The following SUPT3H variants were observed in gnomAD, a reference collection of about 807,000 sequenced individuals.
SUPT3H encodes the protein SPT3 homolog, SAGA and STAGA complex component.
SUPT3H carries 44 observed loss-of-function variants against 44.3 expected under a neutral mutation model. The ratio of observed to expected loss-of-function variants is 0.99; its 90% CI spans 0.78 to 1.28. The LOEUF (loss-of-function observed/expected upper bound fraction) is 1.28. SUPT3H is among the 50% of genes most tolerant of loss of function. SUPT3H has a pLI of 0.00. For missense variants in SUPT3H, 380 were observed against 387.1 expected (o/e 0.98, Z 0.15); for synonymous variants, 124 against 125.6 (o/e 0.99, Z 0.09).
At chr6:45,028,657 A>G (rs1786406035) in intron 3 of SUPT3H, among the ~76,000 whole-genome samples, 1 of 151,980 alleles carries the variant, frequency 6.6e-6, no homozygotes, top group Non-Finnish European at 1.5e-5. Flanking sequence ...CATGTCTTCT[A>G]TATATTATCT....
intron 2 of SUPT3H, among the ~76,000 whole-genome samples, chr6:45,163,137 G>A (rs1348753431): frequency 2.6e-5 from 4 of 152,128 alleles, no homozygotes; most frequent in African/African-American, 9.7e-5. Context: ...ACTAGTTTCT[G>A]TATTTCCAGA....
At position 45,267,207 on chromosome 6, in the gene SUPT3H, C is replaced by G. The variant is rs898396763; in HGVS notation, c.101+97994G>C. 3.3e-5 allele frequency among the ~76,000 whole-genome samples: 5 copies of G among 152,064 alleles called. No homozygotes were observed. The South Asian group carries it at 1.0e-3, about 32-fold the overall frequency. On this transcript the variant is annotated intron_variant, in intron 2 of 10. Transcript: ENST00000371459. ...AACCTGTATTATTGAAAAGGCTGAC[C>G]ATGCCACACATATCTCCGATTTTAA...
intron 2 of SUPT3H, among the ~76,000 whole-genome samples, chr6:45,255,003 C>T (rs772915230): frequency 7.1e-4 from 108 of 152,288 alleles, no homozygotes; most frequent in African/African-American, 9.4e-4. Context: ...TGCTGTACTG[C>T]ACCACTTGTG....
chr6:45,254,055 A>G (rs6901161), intron 2 of SUPT3H, among the ~76,000 whole-genome samples: 131,218 of 151,254 alleles, frequency 0.87, 57,144 homozygotes, highest in African/African-American at 0.9. Context: ...AATGTACCTC[A>G]TATGTTTATA....
chr6:45,139,748 T>C (rs748762193), intron 2 of SUPT3H, among the ~76,000 whole-genome samples: 1 of 152,078 alleles, frequency 6.6e-6, no homozygotes, highest in African/African-American at 2.4e-5. Flanking sequence ...TCCCAGTCTA[T>C]AACATGAGCA....
chr6:45,035,765 C>T (rs1040508896), intron 3 of SUPT3H, among the ~76,000 whole-genome samples: 2 of 151,864 alleles, frequency 1.3e-5, no homozygotes, highest in Admixed American at 6.6e-5. Flanking sequence ...ACTCACTTTC[C>T]GTTTTAATTT....
chr6:45,235,102 T>C (rs1199850028), intron 2 of SUPT3H, among the ~76,000 whole-genome samples: 2 of 152,096 alleles, frequency 1.3e-5, no homozygotes, highest in Non-Finnish European at 2.9e-5. Flanking sequence ...AGAAAGCCAA[T>C]GATACAAGTG....
At chr6:45,028,381 C>T (rs1156832107) in intron 3 of SUPT3H, among the ~76,000 whole-genome samples, 1 of 152,052 alleles carries the variant, frequency 6.6e-6, no homozygotes, top group Non-Finnish European at 1.5e-5. Flanking sequence ...CAATCCCAAA[C>T]TTTTCCATGT....
chr6:45,119,618 C>T lies in SUPT3H; in HGVS notation c.102-13612G>A, dbSNP rs1345048856. On this transcript the variant is annotated intron_variant, in intron 2 of 10. Transcript: ENST00000371459. ...GCCACAAATTCATGTGATTTGTGGG[C>T]ATAATGTTAACAGGAAAGAGTCAAT... Among the ~76,000 whole-genome samples the T allele has an allele frequency of 2.0e-5, 3 of 152,034 alleles. No homozygotes were observed. The East Asian group carries it at 5.8e-4, about 29-fold the overall frequency.
Position 45,106,281 on chromosome 6 carries a change from A to G in SUPT3H, c.102-275T>C, listed in dbSNP as rs564880846. Among the ~76,000 whole-genome samples the G allele has an allele frequency of 3.1e-4, 47 of 152,142 alleles. 1 individual carries two copies. The South Asian group carries it at 9.3e-3, about 30-fold the overall frequency. On this transcript the variant is annotated intron_variant, in intron 2 of 10. Transcript: ENST00000371459. ...ACTCCGCCTCTACAATAAATACAAA[A>G]ATTAGCCGGAAGCAGTGGCATGTGC...
intron 2 of SUPT3H, among the ~76,000 whole-genome samples, chr6:45,181,057 A>G (rs907289641): frequency 5.3e-5 from 8 of 151,918 alleles, no homozygotes; most frequent in African/African-American, 1.9e-4. Flanking sequence ...TGGGTGAAGG[A>G]TATGAACAGA....
At chr6:45,042,852 C>T (rs550916673) in intron 3 of SUPT3H, among the ~76,000 whole-genome samples, 210 of 151,986 alleles carry the variant, frequency 1.4e-3, no homozygotes, top group Non-Finnish European at 2.3e-3. Context: ...AGCCAAATGT[C>T]CAACAATGAT....
At chr6:44,845,859 T>C (rs981667481) in intron 10 of SUPT3H, among the ~76,000 whole-genome samples, 3 of 152,208 alleles carry the variant, frequency 2.0e-5, no homozygotes, top group Non-Finnish European at 4.4e-5. Flanking sequence ...TCCAAGCCCA[T>C]GTGTGATCTG....
At chr6:44,902,658 C>T (rs990951716) in intron 10 of SUPT3H, among the ~76,000 whole-genome samples, 3 of 152,128 alleles carry the variant, frequency 2.0e-5, no homozygotes, top group African/African-American at 7.2e-5. Context: ...AGGAATTGAA[C>T]TCAGCTCTGC....
chr6:45,050,278 A>AGTGT (rs57510967), intron 3 of SUPT3H, among the ~76,000 whole-genome samples: 5,713 of 147,350 alleles, frequency 0.039, 225 homozygotes, highest in African/African-American at 0.1. Context: ...CTTTTTCTGC[A>AGTGT]GTGTGTGTGT....
Position 45,003,708 on chromosome 6 carries a change from A to G in SUPT3H, c.449T>C (p.Leu150Pro). 6.2e-7 allele frequency: 1 copy of G among 1,613,882 alleles called. No homozygotes were observed. Among genetic ancestry groups the G allele is most frequent in the Non-Finnish European group, 8.5e-7 (1 of 1,179,856 alleles). The change falls in exon 6 of 11, where the codon CTT (leucine) becomes CCT (proline). Residue 150 changes from leucine to proline, a missense_variant. Transcript: ENST00000371459. ...FLNSIDQTGE[L>P]LAMFEDDEID... ...TTCGTCATCTTCAAACATTGCTAAA[A>G]GTTCTCCTGTCTGGTCAATAGAGTT... is the stretch of plus-strand genomic sequence containing the variant.
At chr6:45,022,078 T>G (rs2153518803) in intron 3 of SUPT3H, among the ~76,000 whole-genome samples, 1 of 152,136 alleles carries the variant, frequency 6.6e-6, no homozygotes, top group Non-Finnish European at 1.5e-5. Flanking sequence ...TATCACAGTC[T>G]AAAATACAGG....
chr6:45,198,526 CATTAATTT>C (rs1816460274), intron 2 of SUPT3H, among the ~76,000 whole-genome samples: 1 of 151,278 alleles, frequency 6.6e-6, no homozygotes. Flanking sequence ...AGTCCCAATA[CATTAATTT>C]GCTGAAATTT....
intron 2 of SUPT3H, among the ~76,000 whole-genome samples, chr6:45,181,320 G>T (rs1213530674): frequency 6.6e-6 from 1 of 150,758 alleles, no homozygotes; most frequent in African/African-American, 2.5e-5. Flanking sequence ...ATTCCTCAGG[G>T]ATCTAGAACT....
Sources: allele counts gnomAD v4.1 joint callset (sites outside exome capture counted in the v4.1 genomes callset), GRCh38; gene constraint gnomAD v4.1.1; transcripts MANE v1.5; gene names NCBI Gene and HGNC (gene_info 2026-07-23, HGNC 2026-07-21).